Variants in FOXN3 observed in about 807,000 individuals in gnomAD.
The protein encoded by FOXN3 is forkhead box protein N3.
Under a neutral mutation model 38.4 loss-of-function variants are expected in FOXN3, and 7 were observed. The ratio of observed to expected loss-of-function variants is 0.18; its 90% CI spans 0.10 to 0.34. FOXN3 has a LOEUF of 0.34. Ranked by LOEUF, FOXN3 falls within the 10% of genes least tolerant of loss-of-function variation. The pLI, the probability that FOXN3 is intolerant of heterozygous loss-of-function variation, is 1.00. For missense variants in FOXN3, 456 were observed against 613.4 expected, an observed-to-expected ratio of 0.74 and a Z score of 2.71; for synonymous variants, 230 against 242.2, an observed-to-expected ratio of 0.95 and a Z score of 0.47.
intron 4 of FOXN3, among the ~76,000 whole-genome samples, chr14:89,222,459 C>T (rs565558372): frequency 7.6e-4 from 116 of 152,220 alleles, no homozygotes; most frequent in Non-Finnish European, 1.4e-3. Flanking sequence ...GGGCAGGGGA[C>T]GTAGACTAAT....
chr14:89,571,022 A>T (rs1421508086), intron 1 of FOXN3, among the ~76,000 whole-genome samples: 1 of 152,228 alleles, frequency 6.6e-6, no homozygotes, highest in African/African-American at 2.4e-5. Flanking sequence ...AGCACTAAGT[A>T]GCTAAAAGCC....
intron 3 of FOXN3, among the ~76,000 whole-genome samples, chr14:89,329,340 T>C (rs1423222586): frequency 6.6e-6 from 1 of 152,218 alleles, no homozygotes; most frequent in Non-Finnish European, 1.5e-5. Flanking sequence ...GAAAAAGTCC[T>C]CAACATTTAA....
intron 1 of FOXN3, among the ~76,000 whole-genome samples, chr14:89,505,666 G>A (rs1893905149): frequency 6.6e-6 from 1 of 152,110 alleles, no homozygotes; most frequent in African/African-American, 2.4e-5. Context: ...CCCCCAAAGT[G>A]CCGAGATTGC....
chr14:89,347,905 G>T (rs994598098), intron 3 of FOXN3, among the ~76,000 whole-genome samples: 2 of 151,944 alleles, frequency 1.3e-5, no homozygotes, highest in African/African-American at 2.4e-5. Context: ...AGTGAGCCAA[G>T]ATTGCACCGC....
chr14:89,194,884 C>T (rs757587878), intron 4 of FOXN3, among the ~76,000 whole-genome samples: 13 of 152,038 alleles, frequency 8.6e-5, no homozygotes, highest in Admixed American at 3.9e-4. Flanking sequence ...CATATATATA[C>T]GTACTCATGC....
chr14:89,565,766 C>T (rs910891235), intron 1 of FOXN3, among the ~76,000 whole-genome samples: 6 of 152,208 alleles, frequency 3.9e-5, no homozygotes, highest in Admixed American at 3.9e-4. Context: ...GTGGTGGTTG[C>T]ATTTGCCATA....
intron 5 of FOXN3, among the ~76,000 whole-genome samples, chr14:89,165,237 T>C (rs1887210199): frequency 1.3e-5 from 2 of 152,236 alleles, no homozygotes; most frequent in South Asian, 4.1e-4. Context: ...CCTGTGCTCA[T>C]ATCCCAGTGT....
intron 1 of FOXN3, among the ~76,000 whole-genome samples, chr14:89,456,772 T>C (rs1259786797): frequency 1.3e-5 from 2 of 151,910 alleles, no homozygotes; most frequent in South Asian, 4.1e-4. Context: ...AATAAAATAA[T>C]AAATAAGTGA....
intron 2 of FOXN3, among the ~76,000 whole-genome samples, chr14:89,401,235 A>G (rs924031726): frequency 6.7e-6 from 1 of 148,746 alleles, no homozygotes; most frequent in African/African-American, 2.5e-5. Context: ...TGAGGTCAGG[A>G]GTTCAAGACC....
At chr14:89,256,952 T>G (rs932537205) in intron 4 of FOXN3, among the ~76,000 whole-genome samples, 1 of 152,216 alleles carries the variant, frequency 6.6e-6, no homozygotes. Flanking sequence ...AAAAGCAGTA[T>G]AGTTTAGACC....
intron 4 of FOXN3, among the ~76,000 whole-genome samples, chr14:89,270,510 C>T (rs1313260880): frequency 2.0e-5 from 3 of 152,180 alleles, no homozygotes; most frequent in African/African-American, 4.8e-5. Flanking sequence ...GTACTACTAT[C>T]TATTTGACTG....
At chr14:89,253,402 T>G (rs557591513) in intron 4 of FOXN3, among the ~76,000 whole-genome samples, 7 of 152,256 alleles carry the variant, frequency 4.6e-5, no homozygotes, top group Admixed American at 4.6e-4. Context: ...GTTCCAGTTT[T>G]CACCACTCCG....
At chr14:89,460,362 C>A (rs759499747) in intron 1 of FOXN3, among the ~76,000 whole-genome samples, 3 of 152,170 alleles carry the variant, frequency 2.0e-5, no homozygotes, top group Non-Finnish European at 2.9e-5. Flanking sequence ...CTCTCCGCTC[C>A]AGAAAACTCA....
chr14:89,589,828 C>T (rs180877257), intron 1 of FOXN3, among the ~76,000 whole-genome samples: 2 of 152,238 alleles, frequency 1.3e-5, no homozygotes, highest in African/African-American at 4.8e-5. Context: ...CACAAAGCTC[C>T]AAAGGCTATT....
At chr14:89,598,412 T>C (rs1056344249) in intron 1 of FOXN3, among the ~76,000 whole-genome samples, 3 of 152,174 alleles carry the variant, frequency 2.0e-5, no homozygotes, top group African/African-American at 7.2e-5. Flanking sequence ...CTTCCTTTAG[T>C]ATAGATCTGT....
At chr14:89,434,796 T>C (rs1463362167) in intron 1 of FOXN3, among the ~76,000 whole-genome samples, 1 of 152,218 alleles carries the variant, frequency 6.6e-6, no homozygotes, top group Non-Finnish European at 1.5e-5. Context: ...TTGAAGGTAA[T>C]GCTTCCAAAG....
Position 89,430,368 on chromosome 14 carries a change from C to G in FOXN3, c.-14-17878G>C, listed in dbSNP as rs542877871. ...AAGGATTTTCCTTCAAACTTACAAT[C>G]TTAAGGCAATCAAAGAAGAAATGTT... On this transcript the variant is annotated intron_variant, in intron 1 of 6. Transcript: ENST00000345097. Among the ~76,000 whole-genome samples the G allele has an allele frequency of 4.6e-5, 7 of 152,308 alleles. 1 individual carries two copies. The South Asian group carries it at 1.4e-3, about 32-fold the overall frequency.
intron 1 of FOXN3, among the ~76,000 whole-genome samples, chr14:89,415,111 C>A (rs1891659118): frequency 6.6e-6 from 1 of 152,084 alleles, no homozygotes; most frequent in South Asian, 2.1e-4. Flanking sequence ...TCCTCAGATC[C>A]CATCAGAAAA....
chr14:89,440,086 C>T (rs1005805448), intron 1 of FOXN3, among the ~76,000 whole-genome samples: 1 of 152,168 alleles, frequency 6.6e-6, no homozygotes, highest in Middle Eastern at 3.4e-3. Context: ...TGCTATTATC[C>T]CCATATTACC....
Sources: gnomAD v4.1 joint callset for allele counts (sites outside exome capture counted in the v4.1 genomes callset) on GRCh38, gnomAD v4.1.1 for gene constraint, MANE v1.5 for transcripts, NCBI Gene and HGNC (gene_info 2026-07-23, HGNC 2026-07-21) for gene names.